The following CACNA2D3 variants were observed in gnomAD, a reference collection of about 807,000 sequenced individuals.
CACNA2D3 encodes the protein calcium voltage-gated channel auxiliary subunit alpha2delta 3, also known as voltage-dependent calcium channel subunit alpha-2/delta-3.
Under a neutral mutation model 160.6 loss-of-function variants are expected in CACNA2D3, and 60 were observed. The ratio of observed to expected loss-of-function variants is 0.37; its 90% CI spans 0.30 to 0.46. The LOEUF is 0.46. Among genes scored for constraint, CACNA2D3 ranks in the 20% least tolerant of loss-of-function variants. CACNA2D3 has a pLI of 1.00. For synonymous variants in CACNA2D3, 558 were observed against 492.9 expected, an observed-to-expected ratio of 1.13 and a Z score of -1.75; for missense variants, 1,205 against 1,365.0, an observed-to-expected ratio of 0.88 and a Z score of 1.85.
intron 14 of CACNA2D3, among the ~76,000 whole-genome samples, chr3:54,836,584 A>G (rs1305363809): frequency 6.6e-6 from 1 of 152,172 alleles, no homozygotes; most frequent in Non-Finnish European, 1.5e-5. Context: ...TCATGATTTT[A>G]GAAGTCAGAT....
intron 27 of CACNA2D3, chr3:54,924,717 A>G (rs748609716): frequency 3.1e-6 from 5 of 1,614,132 alleles, no homozygotes; most frequent in South Asian, 1.1e-5. Context: ...CACACTGGGC[A>G]TGGATTCCAG....
rs547933093 is a variant in CACNA2D3, at chr3:54,820,788, G to T, written c.1398+3918G>T. Reference sequence around the variant, plus strand: ...TTTACTTCTACAGAAGTGTCCGAGAGATCTGATTTTATGATAATAACATAG... The same window carrying T: ...TTTACTTCTACAGAAGTGTCCGAGATATCTGATTTTATGATAATAACATAG... On this transcript the variant is annotated intron_variant, in intron 14 of 37. Transcript: ENST00000474759. Among the ~76,000 whole-genome samples, 7 of 152,208 alleles carry T rather than the reference G, an allele frequency of 4.6e-5. No individual in the cohort carries two copies. In the East Asian group the frequency reaches 1.4e-3, roughly 29 times the overall value.
chr3:54,857,430 A>G (rs1699196607), intron 17 of CACNA2D3, among the ~76,000 whole-genome samples: 1 of 152,212 alleles, frequency 6.6e-6, no homozygotes, highest in South Asian at 2.1e-4. Context: ...CATGCAGCAG[A>G]CAAGATGTGA....
At chr3:54,245,252 CA>C (rs1303795344) in intron 2 of CACNA2D3, among the ~76,000 whole-genome samples, 2 of 151,498 alleles carry the variant, frequency 1.3e-5, no homozygotes, top group Non-Finnish European at 2.9e-5. Flanking sequence ...TTTTAAGTTC[CA>C]AGATGTCTTT....
chr3:54,673,832 G>A (rs1700197787), intron 11 of CACNA2D3, among the ~76,000 whole-genome samples: 1 of 152,160 alleles, frequency 6.6e-6, no homozygotes. Context: ...CTAGGGTGCA[G>A]TGAGGACCTG....
At chr3:54,541,964 G>A (rs528984027) in intron 5 of CACNA2D3, among the ~76,000 whole-genome samples, 24 of 149,520 alleles carry the variant, frequency 1.6e-4, no homozygotes, top group African/African-American at 5.4e-4. Flanking sequence ...TACAATTTTT[G>A]CAAGTTTTTT....
intron 13 of CACNA2D3, among the ~76,000 whole-genome samples, chr3:54,785,229 C>G (rs766466527): frequency 1.3e-5 from 2 of 152,160 alleles, no homozygotes; most frequent in Non-Finnish European, 2.9e-5. Flanking sequence ...TTATAAAATG[C>G]AGTGATTTTA....
intron 3 of CACNA2D3, among the ~76,000 whole-genome samples, chr3:54,355,609 C>T (rs1698635320): frequency 6.6e-6 from 1 of 152,144 alleles, no homozygotes; most frequent in Admixed American, 6.5e-5. Context: ...AGGCATTGCT[C>T]TACAGCCTTC....
chr3:54,837,043 C>T (rs1375928988), intron 14 of CACNA2D3, 116 bp from the exon 15 acceptor site: 38 of 831,468 alleles, frequency 4.6e-5, no homozygotes, highest in Non-Finnish European at 7.0e-5. Context: ...CTTGAGTGGG[C>T]ACTGTTCCAT....
chr3:54,231,874 C>T lies in CACNA2D3; in HGVS notation c.205-88568C>T, dbSNP rs1003476410. On this transcript the variant is annotated intron_variant, in intron 2 of 37. Coordinates refer to ENST00000474759, the MANE Select transcript of CACNA2D3 (RefSeq NM_018398.3). ...GAATGGAAGGGGGGTGGTCCTGGGG[C>T]AGGGTGGGAGGGGAGTTCACAAGAA... Among the ~76,000 whole-genome samples, 7 of 137,936 alleles carry T rather than the reference C, an allele frequency of 5.1e-5. No homozygotes were observed. In the East Asian group the frequency reaches 1.6e-3, roughly 31 times the overall value. The allele number at this position is 137,936 out of a possible 152,430, so 90.5% of individuals were successfully genotyped here.
At chr3:54,300,237 A>G (rs1037969413) in intron 2 of CACNA2D3, among the ~76,000 whole-genome samples, 2 of 152,010 alleles carry the variant, frequency 1.3e-5, no homozygotes, top group African/African-American at 4.8e-5. Flanking sequence ...GTGTTTTGGG[A>G]CTTGTCTTGT....
intron 3 of CACNA2D3, among the ~76,000 whole-genome samples, chr3:54,358,600 G>T (rs921503144): frequency 1.3e-5 from 2 of 152,166 alleles, no homozygotes; most frequent in South Asian, 2.1e-4. Context: ...CAGGATGAGA[G>T]ACCTCCTAGG....
chr3:54,450,079 G>T (rs1397460370), intron 4 of CACNA2D3, among the ~76,000 whole-genome samples: 2 of 152,174 alleles, frequency 1.3e-5, no homozygotes, highest in African/African-American at 4.8e-5. Context: ...TACAAATCAG[G>T]TTCATGGTTC....
intron 9 of CACNA2D3, among the ~76,000 whole-genome samples, chr3:54,622,763 C>T (rs1305596256): frequency 6.6e-6 from 1 of 152,182 alleles, no homozygotes. Context: ...CCAGCCCCTT[C>T]CTTTGCTTCC....
intron 5 of CACNA2D3, among the ~76,000 whole-genome samples, chr3:54,528,973 G>T (rs1701766278): frequency 6.6e-6 from 1 of 152,180 alleles, no homozygotes; most frequent in Non-Finnish European, 1.5e-5. Context: ...AGCAGGCCTA[G>T]AATCACCAAC....
At chr3:54,447,189 T>G (rs1479007393) in intron 4 of CACNA2D3, among the ~76,000 whole-genome samples, 1 of 152,310 alleles carries the variant, frequency 6.6e-6, no homozygotes, top group African/African-American at 2.4e-5. Flanking sequence ...CAGCTGCAGG[T>G]TTTTGCTTTT....
At chr3:54,460,579 C>G (rs1399488665) in intron 4 of CACNA2D3, among the ~76,000 whole-genome samples, 4 of 152,074 alleles carry the variant, frequency 2.6e-5, no homozygotes, top group Non-Finnish European at 5.9e-5. Flanking sequence ...CTCTGTTTGT[C>G]CATTATTGGT....
chr3:55,046,115 T>A (rs977958700), intron 35 of CACNA2D3, among the ~76,000 whole-genome samples: 2 of 151,368 alleles, frequency 1.3e-5, no homozygotes, highest in African/African-American at 4.9e-5. Flanking sequence ...TTTTTTTTTA[T>A]TATACTTTAA....
At chr3:54,856,218 T>TA (rs2106791879) in intron 17 of CACNA2D3, among the ~76,000 whole-genome samples, 2 of 151,696 alleles carry the variant, frequency 1.3e-5, no homozygotes, top group East Asian at 3.9e-4. Flanking sequence ...AATGAAACAA[T>TA]ATGTTATCAA....
Sources: gnomAD v4.1 joint callset for allele counts (sites outside exome capture counted in the v4.1 genomes callset) on GRCh38, gnomAD v4.1.1 for gene constraint, MANE v1.5 for transcripts, NCBI Gene and HGNC (gene_info 2026-07-23, HGNC 2026-07-21) for gene names.